Variants in PCDHGB1 observed in about 807,000 individuals in gnomAD.
The protein encoded by PCDHGB1 is protocadherin gamma-B1.
A neutral mutation model predicts 56.6 loss-of-function variants in PCDHGB1; 34 were observed. The ratio of observed to expected loss-of-function variants is 0.60; its 90% confidence interval spans 0.46 to 0.80. PCDHGB1 has a LOEUF of 0.80. Among genes scored for constraint, PCDHGB1 ranks in the 30% least tolerant of loss-of-function variants. PCDHGB1 has a pLI of 0.00. For synonymous variants in PCDHGB1, 561 were observed against 505.9 expected (o/e 1.11, Z -1.46); for missense variants, 1,278 against 1,204.6 (o/e 1.06, Z -0.90).
rs1219629939 is a variant in PCDHGB1, at chr5:141,350,541, G to A, written c.281G>A (p.Gly94Glu). 3 of 1,614,068 alleles carry A rather than the reference G, an allele frequency of 1.9e-6. No homozygotes were observed. The South Asian group carries it at 3.3e-5, about 18-fold the overall frequency. ...NGRIDREKIC[G>E]RKLECALEFE... is the part of the protein sequence containing the mutation. ...AGGATAGATCGAGAGAAGATTTGCG[G>A]AAGGAAACTTGAGTGTGCACTAGAA... Residue 94 changes from glycine to glutamate, a missense_variant, in exon 1 of 4, where the codon GGA (glycine) becomes GAA (glutamate). Physicochemically the swap from Gly to Glu is moderately conservative, Grantham distance 98. Transcript: ENST00000523390.
chr5:141,392,929 C>T (rs1474626800), intron 1 of PCDHGB1: 6 of 1,613,770 alleles, frequency 3.7e-6, no homozygotes, highest in Non-Finnish European at 5.1e-6. Flanking sequence ...CCAGAAGAGA[C>T]GGACAAAGGC....
intron 1 of PCDHGB1, chr5:141,400,592 G>A: frequency 3.7e-6 from 6 of 1,603,194 alleles, no homozygotes; most frequent in Non-Finnish European, 5.1e-6. Flanking sequence ...TGAAACTATC[G>A]TACATTTTCA....
At chr5:141,365,827 G>T (rs746773273) in intron 1 of PCDHGB1, 5 of 1,613,872 alleles carry the variant, frequency 3.1e-6, no homozygotes, top group Admixed American at 1.7e-5. Flanking sequence ...TTCAGGGGGC[G>T]CCCTTGTCCT....
At chr5:141,409,217 G>A (rs1394491727) in intron 1 of PCDHGB1, 1 of 1,613,852 alleles carries the variant, frequency 6.2e-7, no homozygotes, top group Non-Finnish European at 8.5e-7. Context: ...AGAAATCCTT[G>A]ATGAAAACGA....
chr5:141,439,629 A>G (rs1262264623), intron 1 of PCDHGB1, among the ~76,000 whole-genome samples: 1 of 152,208 alleles, frequency 6.6e-6, no homozygotes, highest in East Asian at 1.9e-4. Flanking sequence ...CAATCCCCAG[A>G]CATTCCGGCT....
chr5:141,410,155 G>T, intron 1 of PCDHGB1: 1 of 1,612,898 alleles, frequency 6.2e-7, no homozygotes. Context: ...ACGGTGGACA[G>T]CCGCCACTCT....
intron 1 of PCDHGB1, among the ~76,000 whole-genome samples, chr5:141,387,513 TA>T (rs1226986342): frequency 5.3e-5 from 8 of 152,366 alleles, no homozygotes; most frequent in East Asian, 3.9e-4. Flanking sequence ...TAGACGTCAT[TA>T]AATATACAGA....
intron 1 of PCDHGB1, chr5:141,356,146 G>A: frequency 6.2e-7 from 1 of 1,613,564 alleles, no homozygotes; most frequent in South Asian, 1.1e-5. Context: ...TGGATTCTAT[G>A]ACATAGATGT....
intron 1 of PCDHGB1, chr5:141,362,175 G>A (rs1354338158): frequency 1.9e-6 from 3 of 1,614,050 alleles, no homozygotes; most frequent in South Asian, 1.1e-5. Context: ...ACCGCCGGGA[G>A]CCCTCTGACC....
rs1319222603 is a variant in PCDHGB1 at position 141,438,686 on chromosome 5, A to G, written c.2410-56121A>G. Among the ~76,000 whole-genome samples the G allele has an allele frequency of 2.8e-5, 4 of 140,922 alleles. No homozygotes were observed. The Admixed American group carries it at 2.9e-4, about 10-fold the overall frequency. 92.5% of individuals were successfully genotyped at this position (140,922 alleles called of 152,430 possible). On this transcript the variant is annotated intron_variant, in intron 1 of 3. Transcript: ENST00000523390. ...TATATATATTTGGAGTAGGGGATGGAGTCTTGCTCTGTCACCCAGGCTGGA... is the reference window on the plus strand; with the variant it reads ...TATATATATTTGGAGTAGGGGATGGGGTCTTGCTCTGTCACCCAGGCTGGA...
chr5:141,352,319 T>C lies in PCDHGB1; in HGVS notation c.2059T>C (p.Tyr687His). 6.2e-7 allele frequency: 1 copy of C among 1,614,074 alleles called. No individual in the cohort carries two copies. The highest frequency in any genetic ancestry group is 1.1e-5 in the South Asian group (1 of 91,086). ...PSDPQTELQFYLVVALALISV... is the reference protein window; with the variant it reads ...PSDPQTELQFHLVVALALISV... ...TGACCCCCAGACGGAACTGCAGTTT[T>C]ACCTGGTTGTGGCCTTGGCCTTGAT... The change falls in exon 1 of 4, where the codon TAC becomes CAC. Residue 687 changes from tyrosine (Y) to histidine (H), a missense_variant. By Grantham distance (83) the Tyr-to-His change is moderately conservative (BLOSUM62 2). Coordinates refer to ENST00000523390, the MANE Select transcript of PCDHGB1 (RefSeq NM_018922.3).
At chr5:141,498,220 G>T (rs1562182972) in intron 2 of PCDHGB1, among the ~76,000 whole-genome samples, 1 of 152,222 alleles carries the variant, frequency 6.6e-6, no homozygotes, top group Non-Finnish European at 1.5e-5. Flanking sequence ...GAGCATTCCA[G>T]ATGGTCAGGC....
intron 1 of PCDHGB1, among the ~76,000 whole-genome samples, chr5:141,436,720 A>G (rs1337926057): frequency 1.5e-4 from 23 of 152,216 alleles, no homozygotes; most frequent in Non-Finnish European, 3.4e-4. Context: ...TCTGTTGGGA[A>G]AAATAATAAT....
At chr5:141,380,806 A>G (rs1175015074) in intron 1 of PCDHGB1, among the ~76,000 whole-genome samples, 1 of 152,258 alleles carries the variant, frequency 6.6e-6, no homozygotes, top group Non-Finnish European at 1.5e-5. Context: ...AACAAATGTG[A>G]GATGAAACTA....
intron 1 of PCDHGB1, chr5:141,414,397 T>C: frequency 6.2e-7 from 1 of 1,613,920 alleles, no homozygotes; most frequent in Middle Eastern, 1.6e-4. Context: ...TTATTACAGA[T>C]TGGTGATACA....
In PCDHGB1 at chr5:141,487,265, G is replaced by A; in HGVS notation, c.2410-7542G>A. 2 of 1,614,158 alleles carry A rather than the reference G, an allele frequency of 1.2e-6. 1 individual carries two copies. Among genetic ancestry groups the A allele is most frequent in the South Asian group, 2.2e-5 (2 of 91,084 alleles). On this transcript the variant is annotated intron_variant, in intron 1 of 3. Transcript: ENST00000523390. The surrounding 1 kb of genome is among the most constrained non-coding windows in gnomAD (Gnocchi z 5.0). Reference sequence around the variant, plus strand: ...AACCCTCTACTTGGCTGTGTCCCTAGTGGCAATTTGCTTTGTCTCCTTTGG... The same window carrying A: ...AACCCTCTACTTGGCTGTGTCCCTAATGGCAATTTGCTTTGTCTCCTTTGG...
At chr5:141,381,071 G>T (rs1343917347) in intron 1 of PCDHGB1, among the ~76,000 whole-genome samples, 1 of 152,172 alleles carries the variant, frequency 6.6e-6, no homozygotes, top group Non-Finnish European at 1.5e-5. Context: ...GATAACTATG[G>T]ATTATTTTGA....
At chr5:141,470,485 GAAT>G (rs2099231720) in intron 1 of PCDHGB1, among the ~76,000 whole-genome samples, 1 of 152,074 alleles carries the variant, frequency 6.6e-6, no homozygotes, top group Admixed American at 6.6e-5. Context: ...AACCCTCTGG[GAAT>G]AATATTAGGT....
intron 1 of PCDHGB1, chr5:141,419,616 A>G (rs1291494618): frequency 6.2e-7 from 1 of 1,612,086 alleles, no homozygotes; most frequent in African/African-American, 1.3e-5. Flanking sequence ...CAGCCAGGCT[A>G]CCTGGTGACC....
Sources: gnomAD v4.1 joint callset for allele counts (sites outside exome capture counted in the v4.1 genomes callset) on GRCh38, gnomAD v4.1.1 for gene constraint, Gnocchi (gnomAD v3.1) non-coding constraint, MANE v1.5 for transcripts, NCBI Gene and HGNC (gene_info 2026-07-23, HGNC 2026-07-21) for gene names.